The following CRPPA variants were observed in gnomAD, a reference collection of about 807,000 sequenced individuals.
The protein encoded by CRPPA is D-ribitol-5-phosphate cytidylyltransferase.
CRPPA carries 43 observed loss-of-function variants against 52.0 expected under a neutral mutation model. The observed-to-expected ratio is 0.83, with a 90% confidence interval of 0.65 to 1.07. The LOEUF (loss-of-function observed/expected upper bound fraction) is 1.07. CRPPA is among the 50% of genes least tolerant of loss of function. The pLI, the probability that CRPPA is intolerant of heterozygous loss-of-function variation, is 0.00. For synonymous variants in CRPPA, 250 were observed against 203.5 expected, an observed-to-expected ratio of 1.23 and a Z score of -1.94; for missense variants, 629 against 551.7, an observed-to-expected ratio of 1.14 and a Z score of -1.40.
At chr7:16,274,119 G>A (rs1003367916) in intron 6 of CRPPA, among the ~76,000 whole-genome samples, 18 of 152,080 alleles carry the variant, frequency 1.2e-4, no homozygotes, top group East Asian at 1.9e-4. Flanking sequence ...GCGCGATCTC[G>A]GCTCACTGCA....
At position 16,336,558 on chromosome 7, in the gene CRPPA, C is replaced by CA. The variant is rs36099524; in HGVS notation, c.685-27932dup. ...TTCATAAAACCACAAAGGAAAAGAG[C>CA]AAAAAAAAAAAAAAGGAAAGAAGGA... On this transcript the variant is annotated intron_variant, in intron 3 of 9. Coordinates refer to ENST00000407010, the MANE Select transcript of CRPPA (RefSeq NM_001101426.4). Among the ~76,000 whole-genome samples, 835 of 135,708 alleles carry CA rather than the reference C, an allele frequency of 6.2e-3. 6 individuals are homozygous for CA. The highest frequency in any genetic ancestry group is 0.015 in the Admixed American group (200 of 13,358). 89.0% of individuals were successfully genotyped at this position (135,708 alleles called of 152,430 possible).
At chr7:16,100,217 T>C (rs967311021) in intron 9 of CRPPA, among the ~76,000 whole-genome samples, 4 of 152,216 alleles carry the variant, frequency 2.6e-5, no homozygotes, top group African/African-American at 4.8e-5. Context: ...CCAGTAACTG[T>C]CTAATTGACA....
intron 9 of CRPPA, among the ~76,000 whole-genome samples, chr7:16,169,456 A>G (rs867872720): frequency 1.2e-4 from 18 of 152,228 alleles, no homozygotes; most frequent in African/African-American, 3.4e-4. Context: ...AAAGGTGAAT[A>G]CCAAAATGGA....
At chr7:16,131,012 G>C (rs1045432180) in intron 9 of CRPPA, among the ~76,000 whole-genome samples, 3 of 152,114 alleles carry the variant, frequency 2.0e-5, no homozygotes, top group Admixed American at 6.5e-5. Flanking sequence ...CCAGACACAG[G>C]GTCTGCCAGT....
chr7:16,371,619 G>A (rs1395201378), intron 3 of CRPPA, among the ~76,000 whole-genome samples: 1 of 151,356 alleles, frequency 6.6e-6, no homozygotes, highest in East Asian at 1.9e-4. Context: ...GAAAGAATCA[G>A]AAAAGTAATT....
At chr7:16,408,046 T>G (rs757499854) in intron 1 of CRPPA, among the ~76,000 whole-genome samples, 20 of 150,168 alleles carry the variant, frequency 1.3e-4, no homozygotes, top group Non-Finnish European at 2.2e-4. Context: ...AGGCAGAAGT[T>G]GAAATGAGCC....
chr7:16,231,985 T>TC (rs1274274524), intron 8 of CRPPA, among the ~76,000 whole-genome samples: 2 of 152,094 alleles, frequency 1.3e-5, no homozygotes, highest in Admixed American at 6.6e-5. Context: ...AAGTTAAGAA[T>TC]CTGGGGAGAC....
At chr7:16,416,246 CA>C (rs1234143940) in intron 1 of CRPPA, among the ~76,000 whole-genome samples, 3 of 151,986 alleles carry the variant, frequency 2.0e-5, no homozygotes, top group African/African-American at 7.3e-5. Flanking sequence ...ATAAAGTTGC[CA>C]AAAATAAGCA....
At chr7:16,120,647 T>A (rs1426495624) in intron 9 of CRPPA, among the ~76,000 whole-genome samples, 1 of 152,144 alleles carries the variant, frequency 6.6e-6, no homozygotes, top group African/African-American at 2.4e-5. Flanking sequence ...TACTTTTCCT[T>A]GCTGTATTCA....
At chr7:16,214,403 G>A (rs972065601) in intron 9 of CRPPA, among the ~76,000 whole-genome samples, 6 of 152,048 alleles carry the variant, frequency 3.9e-5, no homozygotes, top group African/African-American at 1.4e-4. Flanking sequence ...CTTTCTAACT[G>A]CACTATGTGA....
intron 2 of CRPPA, among the ~76,000 whole-genome samples, chr7:16,395,261 A>G (rs1787540921): frequency 6.6e-6 from 1 of 152,208 alleles, no homozygotes; most frequent in Non-Finnish European, 1.5e-5. Context: ...ATTGATACAA[A>G]TCATAAAATG....
At chr7:16,093,903 T>C (rs967484307) in intron 9 of CRPPA, among the ~76,000 whole-genome samples, 2 of 152,150 alleles carry the variant, frequency 1.3e-5, no homozygotes, top group Non-Finnish European at 2.9e-5. Context: ...ACACAGATGA[T>C]GATAATTAAG....
intron 3 of CRPPA, among the ~76,000 whole-genome samples, chr7:16,317,099 A>G (rs952015413): frequency 2.0e-5 from 3 of 152,170 alleles, no homozygotes; most frequent in African/African-American, 7.2e-5. Context: ...AAAAGTGTAC[A>G]TGCATTCTCA....
intron 2 of CRPPA, among the ~76,000 whole-genome samples, chr7:16,380,441 C>G (rs1488847109): frequency 6.6e-6 from 1 of 152,058 alleles, no homozygotes; most frequent in Non-Finnish European, 1.5e-5. Context: ...GGATATTGGT[C>G]TAAAATTCTC....
chr7:16,297,701 C>G (rs1784703766), intron 5 of CRPPA, among the ~76,000 whole-genome samples: 1 of 152,228 alleles, frequency 6.6e-6, no homozygotes, highest in Non-Finnish European at 1.5e-5. Flanking sequence ...TGAACTTGAA[C>G]TGGCTTAGAA....
chr7:16,162,009 AT>A (rs1238368795), intron 9 of CRPPA, among the ~76,000 whole-genome samples: 2 of 151,978 alleles, frequency 1.3e-5, no homozygotes, highest in African/African-American at 4.8e-5. Context: ...GGTAGTTTGT[AT>A]TTCTATAGGA....
intron 9 of CRPPA, among the ~76,000 whole-genome samples, chr7:16,125,257 C>CT (rs1782553870): frequency 1.5e-5 from 1 of 67,722 alleles, no homozygotes; most frequent in Non-Finnish European, 2.8e-5. Context: ...GAGACTGTCT[C>CT]AAAAAAAAAA....
intron 9 of CRPPA, among the ~76,000 whole-genome samples, chr7:16,161,322 G>C (rs564196361): frequency 6.6e-6 from 1 of 152,244 alleles, no homozygotes; most frequent in Non-Finnish European, 1.5e-5. Flanking sequence ...CTATGGATCT[G>C]TCATAAATAG....
intron 9 of CRPPA, among the ~76,000 whole-genome samples, chr7:16,155,297 C>A (rs183245222): frequency 6.6e-6 from 1 of 152,278 alleles, no homozygotes; most frequent in East Asian, 1.9e-4. Context: ...CCCCCATATT[C>A]AAGCAAGAGA....
Sources: allele counts gnomAD v4.1 joint callset (sites outside exome capture counted in the v4.1 genomes callset), GRCh38; gene constraint gnomAD v4.1.1; transcripts MANE v1.5; gene names NCBI Gene and HGNC (gene_info 2026-07-23, HGNC 2026-07-21).